ZFPM2: variants seen among roughly 807,000 people sequenced by gnomAD.
ZFPM2 encodes the protein zinc finger protein, FOG family member 2.
Under a neutral mutation model 98.6 loss-of-function variants are expected in ZFPM2, and 20 were observed. The ratio of observed to expected loss-of-function variants is 0.20; its 90% CI spans 0.14 to 0.29. ZFPM2 has a LOEUF of 0.29. Among genes scored for constraint, ZFPM2 ranks in the 10% least tolerant of loss-of-function variants. ZFPM2 has a pLI of 1.00. For missense variants in ZFPM2, 1,310 were observed against 1,388.6 expected, an observed-to-expected ratio of 0.94 and a Z score of 0.90; for synonymous variants, 518 against 502.7, an observed-to-expected ratio of 1.03 and a Z score of -0.41.
At chr8:105,789,600 A>G (rs7814058) in intron 6 of ZFPM2, among the ~76,000 whole-genome samples, 8 of 150,506 alleles carry the variant, frequency 5.3e-5, no homozygotes, top group African/African-American at 7.3e-5. Context: ...GTATATACCC[A>G]GTAATGGGAT....
intron 3 of ZFPM2, among the ~76,000 whole-genome samples, chr8:105,540,895 T>G (rs1236491608): frequency 6.6e-6 from 1 of 152,184 alleles, no homozygotes. Context: ...ATCAAGTTAT[T>G]TAACTTGAGA....
In ZFPM2 at chr8:105,697,425, G is replaced by A. The variant is rs1462049980; in HGVS notation, c.532+63068G>A. Reference sequence around the variant, plus strand: ...TTTACAGATAGGTAATCCATGTAAGGTATTTTAAAGACAGCTTATTAAAGG... The same window carrying A: ...TTTACAGATAGGTAATCCATGTAAGATATTTTAAAGACAGCTTATTAAAGG... On this transcript the variant is annotated intron_variant, in intron 5 of 7. Coordinates refer to ENST00000407775, the MANE Select transcript of ZFPM2 (RefSeq NM_012082.4). Among the ~76,000 whole-genome samples the A allele has an allele frequency of 9.2e-5, 14 of 152,224 alleles. No individual in the cohort carries two copies. In the East Asian group the frequency reaches 2.5e-3, roughly 27 times the overall value.
At chr8:105,414,875 A>T (rs1249031555) in intron 1 of ZFPM2, 1 of 150,338 alleles carries the variant, frequency 6.7e-6, no homozygotes, top group Non-Finnish European at 1.5e-5. Context: ...CAAACTGCAG[A>T]TCATTGAAAC....
chr8:105,469,137 T>C (rs932754159), intron 3 of ZFPM2, among the ~76,000 whole-genome samples: 53 of 152,284 alleles, frequency 3.5e-4, no homozygotes, highest in African/African-American at 1.3e-3. Context: ...TGGAGCCATG[T>C]CACCAGAATT....
chr8:105,403,207 A>T (rs2129991643), intron 1 of ZFPM2, among the ~76,000 whole-genome samples: 1 of 152,180 alleles, frequency 6.6e-6, no homozygotes, highest in Non-Finnish European at 1.5e-5. Flanking sequence ...GTAAATCCTT[A>T]GTGTTATACC....
chr8:105,622,325 T>C (rs1025105652), intron 4 of ZFPM2, among the ~76,000 whole-genome samples: 17 of 152,124 alleles, frequency 1.1e-4, no homozygotes, highest in African/African-American at 3.4e-4. Context: ...CTATTATTTT[T>C]ATAAAGAATG....
intron 3 of ZFPM2, among the ~76,000 whole-genome samples, chr8:105,463,958 T>TC (rs1353272239): frequency 6.6e-6 from 1 of 151,988 alleles, no homozygotes; most frequent in Non-Finnish European, 1.5e-5. Context: ...CATGCCAGAA[T>TC]TAGGAAAGTA....
chr8:105,393,422 T>C (rs754528427), intron 1 of ZFPM2, among the ~76,000 whole-genome samples: 2 of 146,304 alleles, frequency 1.4e-5, no homozygotes, highest in Non-Finnish European at 3.0e-5. Flanking sequence ...AATGTATCAC[T>C]AAAATGATTA....
At chr8:105,594,912 A>G (rs1443601018) in intron 4 of ZFPM2, among the ~76,000 whole-genome samples, 1 of 152,150 alleles carries the variant, frequency 6.6e-6, no homozygotes, top group Non-Finnish European at 1.5e-5. Flanking sequence ...AGAGAATCAG[A>G]TACATAAACA....
Position 105,334,118 on chromosome 8 carries a change from CTGTGTG to C in ZFPM2, c.40+15174_40+15179del, listed in dbSNP as rs71305145. Among the ~76,000 whole-genome samples the C allele has an allele frequency of 3.1e-3, 373 of 120,432 alleles. 1 individual carries two copies. The highest frequency in any genetic ancestry group is 8.5e-3 in the African/African-American group (244 of 28,752). 79.0% of individuals were successfully genotyped at this position (120,432 alleles called of 152,430 possible). A position where few individuals can be genotyped will look rare whatever the true frequency, so the allele number is the denominator to read the frequency against. On this transcript the variant is annotated intron_variant, in intron 1 of 7. Transcript: ENST00000407775. Reference sequence around the variant, plus strand: ...CACTGCCATTACTGCTAGTAATAAACTGTGTGTGTGTGTGTGTGTGTGTGTGTGTGT... The same window carrying C: ...CACTGCCATTACTGCTAGTAATAAACTGTGTGTGTGTGTGTGTGTGTGTGT...
chr8:105,741,203 C>G (rs1200426596), intron 5 of ZFPM2, among the ~76,000 whole-genome samples: 1 of 152,032 alleles, frequency 6.6e-6, no homozygotes, highest in Non-Finnish European at 1.5e-5. Flanking sequence ...CCAAATTTTG[C>G]TGATATTCAA....
At chr8:105,650,103 G>A (rs1270037745) in intron 5 of ZFPM2, among the ~76,000 whole-genome samples, 2 of 152,076 alleles carry the variant, frequency 1.3e-5, no homozygotes, top group East Asian at 3.9e-4. Context: ...CTAAAGTCTT[G>A]GGAGGGTCTA....
At chr8:105,655,265 C>T (rs1817261650) in intron 5 of ZFPM2, among the ~76,000 whole-genome samples, 1 of 124,066 alleles carries the variant, frequency 8.1e-6, no homozygotes, top group Non-Finnish European at 1.6e-5. Context: ...GAGTTTCGCT[C>T]ATGGTACCCA....
rs76404347 is a variant in ZFPM2 at position 105,399,013 on chromosome 8, G to A, written c.41-20131G>A. ...GTGTTCCAGGCAGAGGGAAGAGCAA[G>A]TGCAAAGACCCTAAATTAGGAAAGA... On this transcript the variant is annotated intron_variant, in intron 1 of 7. Coordinates refer to ENST00000407775, the MANE Select transcript of ZFPM2 (RefSeq NM_012082.4). Among the ~76,000 whole-genome samples the A allele has an allele frequency of 4.6e-3, 693 of 152,232 alleles. 9 individuals carry two copies. The highest frequency in any genetic ancestry group is 0.015 in the African/African-American group (640 of 41,546).
At chr8:105,372,201 C>T (rs1487735104) in intron 1 of ZFPM2, among the ~76,000 whole-genome samples, 3 of 151,928 alleles carry the variant, frequency 2.0e-5, no homozygotes, top group Non-Finnish European at 4.4e-5. Flanking sequence ...TGCCAACAGG[C>T]CTGGCTAATT....
At chr8:105,671,383 A>T (rs1202147036) in intron 5 of ZFPM2, among the ~76,000 whole-genome samples, 2 of 151,828 alleles carry the variant, frequency 1.3e-5, no homozygotes, top group African/African-American at 4.8e-5. Context: ...TTTTGTATAT[A>T]ATCTTTTAGC....
rs12216772 is a variant in ZFPM2, at chr8:105,561,691, C to T, written c.420+210C>T. 0.42 allele frequency among the ~76,000 whole-genome samples: 64,096 copies of T among 151,932 alleles called. 13,508 individuals carry two copies. The highest frequency in any genetic ancestry group is 0.48 in the South Asian group (2,327 of 4,816). On this transcript the variant is annotated intron_variant, in intron 4 of 7. Transcript: ENST00000407775. Reference sequence around the variant, plus strand: ...AGAATTTAGACAGAAACAGGTTACTCATACTAAATTGTGGCTAGTAAGGTA... The same window carrying T: ...AGAATTTAGACAGAAACAGGTTACTTATACTAAATTGTGGCTAGTAAGGTA...
chr8:105,801,562 G>A lies in ZFPM2; in HGVS notation c.1480G>A (p.Val494Met), dbSNP rs371725842. Residue 494 changes from valine to methionine, a missense_variant, in exon 8 of 8, where the codon GTG becomes ATG. Coordinates refer to ENST00000407775, the MANE Select transcript of ZFPM2 (RefSeq NM_012082.4). ...GCCTAATATTGGGCCTTCTTTCCCTGTGGGCCCTTTCCTATCTCAGTTTTC... is the reference window on the plus strand; with the variant it reads ...GCCTAATATTGGGCCTTCTTTCCCTATGGGCCCTTTCCTATCTCAGTTTTC... Reference protein sequence around the residue: ...VQPNIGPSFPVGPFLSQFSFP... With the variant: ...VQPNIGPSFPMGPFLSQFSFP... The A allele has an allele frequency of 2.5e-6, 4 of 1,613,790 alleles. No homozygotes were observed. Among genetic ancestry groups the A allele is most frequent in the African/African-American group, 1.3e-5 (1 of 74,968 alleles).
intron 3 of ZFPM2, among the ~76,000 whole-genome samples, chr8:105,454,088 A>G (rs1406019638): frequency 1.3e-5 from 2 of 152,162 alleles, no homozygotes. Flanking sequence ...GGGTTGGTTT[A>G]TTGGAATCAG....
Sources: gnomAD v4.1 joint callset for allele counts (sites outside exome capture counted in the v4.1 genomes callset) on GRCh38, gnomAD v4.1.1 for gene constraint, MANE v1.5 for transcripts, NCBI Gene and HGNC (gene_info 2026-07-23, HGNC 2026-07-21) for gene names.